The following PECAM1 variants were observed in gnomAD, a reference collection of about 807,000 sequenced individuals.
PECAM1 encodes platelet endothelial cell adhesion molecule.
Under a neutral mutation model 13.8 loss-of-function variants are expected in PECAM1, and 8 were observed. The ratio of observed to expected loss-of-function variants is 0.58; its 90% confidence interval spans 0.34 to 1.05. The LOEUF (loss-of-function observed/expected upper bound fraction) is 1.05. PECAM1 is among the 50% of genes least tolerant of loss of function. PECAM1 has a pLI of 0.03. For synonymous variants in PECAM1, 136 were observed against 52.6 expected, an observed-to-expected ratio of 2.58 and a Z score of -6.86; for missense variants, 304 against 141.2, an observed-to-expected ratio of 2.15 and a Z score of -5.84.
At position 64,349,587 on chromosome 17, in the gene PECAM1, C is replaced by CAAAA. The variant is rs72236584; in HGVS notation, c.2044+789_2044+792dup. ...TGGGTGACAGAGTAAGACTCTGTAT[C>CAAAA]AAAAAAAAAAAAAAAAGAGCCAGGC... On this transcript the variant is annotated intron_variant, in intron 12 of 15. Transcript: ENST00000563924. Among the ~76,000 whole-genome samples the CAAAA allele has an allele frequency of 1.6e-4, 10 of 64,152 alleles. 1 individual carries two copies. Among genetic ancestry groups the CAAAA allele is most frequent in the African/African-American group, 2.4e-4 (5 of 20,654 alleles). 42.1% of individuals were successfully genotyped at this position (64,152 alleles called of 152,430 possible). A position where few individuals can be genotyped will look rare whatever the true frequency, so the allele number is the denominator to read the frequency against.
At chr17:64,335,660 G>C (rs2035257671) in intron 14 of PECAM1, among the ~76,000 whole-genome samples, 1 of 152,102 alleles carries the variant, frequency 6.6e-6, no homozygotes, top group Admixed American at 6.6e-5. Flanking sequence ...TTAACCTCTG[G>C]GCCCGTTTCC....
chr17:64,321,799 ATAAG>A lies in PECAM1; in HGVS notation c.*2013_*2016del. On this transcript the variant is annotated 3_prime_UTR_variant, in exon 16 of 16. Transcript: ENST00000563924. The stretch of plus-strand genomic sequence containing the variant: ...AAAACAAAAAATTCAGTCGTGCTGC[ATAAG>A]TAAGGCACCAGGAGTAGGAATAGGG... The A allele has an allele frequency of 1.5e-6, 2 of 1,335,054 alleles. No individual in the cohort carries two copies. The highest frequency in any genetic ancestry group is 2.0e-6 in the Non-Finnish European group (2 of 1,008,640). 82.7% of individuals were successfully genotyped at this position (1,335,054 alleles called of 1,614,324 possible).
In PECAM1 at chr17:64,363,043, T is replaced by C. The variant is rs2036022102; in HGVS notation, c.1216+106A>G. 4 of 467,998 alleles carry C rather than the reference T, an allele frequency of 8.5e-6. No homozygotes were observed. The Admixed American group carries it at 9.5e-5, about 11-fold the overall frequency. 29.0% of individuals were successfully genotyped at this position (467,998 alleles called of 1,614,324 possible). ...TTCGCACTTCTCTCCCTCTAGTTCT[T>C]ACCCTGCCTGAGTCTGCTCAGACCG... is the stretch of plus-strand genomic sequence containing the variant. On this transcript the variant is annotated intron_variant, in intron 6 of 15. Transcript: ENST00000563924.
At chr17:64,376,491 C>CT (rs140508282) in intron 3 of PECAM1, among the ~76,000 whole-genome samples, 2 of 152,188 alleles carry the variant, frequency 1.3e-5, no homozygotes, top group East Asian at 3.9e-4. Flanking sequence ...TGTTGTTACC[C>CT]TTTATTGAAT....
Position 64,356,343 on chromosome 17 carries a change from T to C in PECAM1, c.1548A>G (p.Gly516=), listed in dbSNP as rs1244709966. The part of the protein sequence containing the change: ...SILSSKVVES[G]EDIVLQCAVN... Reference sequence around the variant, plus strand: ...CAGCACATTGCAGCACAATGTCCTCTCCAGACTCCACCACCTTACTTGACA... The same window carrying C: ...CAGCACATTGCAGCACAATGTCCTCCCCAGACTCCACCACCTTACTTGACA... Residue 516 remains glycine, a synonymous_variant, in exon 8 of 16, where the codon GGA becomes GGG. Transcript: ENST00000563924. 6.3e-6 allele frequency: 3 copies of C among 473,806 alleles called. No individual in the cohort carries two copies. Among genetic ancestry groups the C allele is most frequent in the Non-Finnish European group, 1.2e-5 (3 of 258,558 alleles). 29.4% of individuals were successfully genotyped at this position (473,806 alleles called of 1,614,324 possible). A position where few individuals can be genotyped will look rare whatever the true frequency, so the allele number is the denominator to read the frequency against.
At chr17:64,385,810 C>T (rs1018627077) in intron 2 of PECAM1, among the ~76,000 whole-genome samples, 10 of 152,194 alleles carry the variant, frequency 6.6e-5, no homozygotes, top group African/African-American at 2.4e-4. Context: ...GGTAAGAGAA[C>T]AGCGTGTCCC....
At chr17:64,351,582 G>T (rs1273351683) in intron 11 of PECAM1, among the ~76,000 whole-genome samples, 1 of 152,170 alleles carries the variant, frequency 6.6e-6, no homozygotes, top group African/African-American at 2.4e-5. Flanking sequence ...GGGCATGGTG[G>T]CACATGCCTG....
chr17:64,329,815 A>G, intron 14 of PECAM1, 93 bp from the exon 15 acceptor site: 1 of 722,672 alleles, frequency 1.4e-6, no homozygotes, highest in Non-Finnish European at 2.6e-6. Flanking sequence ...AGGTCGAGAA[A>G]AGAGGGAGGA....
Position 64,386,728 on chromosome 17 carries a change from T to C in PECAM1, c.91+3761A>G, listed in dbSNP as rs943281316. 6.4e-3 allele frequency among the ~76,000 whole-genome samples: 977 copies of C among 152,098 alleles called. 10 individuals carry two copies. Among genetic ancestry groups the C allele is most frequent in the African/African-American group, 0.022 (925 of 41,488 alleles). Reference sequence around the variant, plus strand: ...AGGAGGATGGCTTCAGCCCAGGAGTTTGAGACCAGCCTGGGCAACAAAATG... The same window carrying C: ...AGGAGGATGGCTTCAGCCCAGGAGTCTGAGACCAGCCTGGGCAACAAAATG... On this transcript the variant is annotated intron_variant, in intron 2 of 15. Coordinates refer to ENST00000563924, the MANE Select transcript of PECAM1 (RefSeq NM_000442.5).
At chr17:64,347,287 G>T (rs1212863643) in intron 13 of PECAM1, among the ~76,000 whole-genome samples, 1 of 152,006 alleles carries the variant, frequency 6.6e-6, no homozygotes, top group Non-Finnish European at 1.5e-5. Flanking sequence ...GGAGGCTGAG[G>T]GGGGTGGATC....
intron 2 of PECAM1, among the ~76,000 whole-genome samples, chr17:64,382,329 A>G (rs2036499063): frequency 6.6e-6 from 1 of 152,064 alleles, no homozygotes; most frequent in Non-Finnish European, 1.5e-5. Context: ...GCCAAATCTC[A>G]TCTCTGCTAC....
In PECAM1 at chr17:64,321,405, T is replaced by A. The variant is rs574567744; in HGVS notation, c.*2411A>T. On this transcript the variant is annotated 3_prime_UTR_variant, in exon 16 of 16. Transcript: ENST00000563924. ...CATTAAATCCACTAAGAAAGATCCCTGCGCATGAAGTTTCCTCCTCGGAAA... is the reference window on the plus strand; with the variant it reads ...CATTAAATCCACTAAGAAAGATCCCAGCGCATGAAGTTTCCTCCTCGGAAA... 4 of 984,382 alleles carry A rather than the reference T, an allele frequency of 4.1e-6. No individual in the cohort carries two copies. In the African/African-American group the frequency reaches 7.0e-5, roughly 17 times the overall value. 61.0% of individuals were successfully genotyped at this position (984,382 alleles called of 1,614,324 possible). A position where few individuals can be genotyped will look rare whatever the true frequency, so the allele number is the denominator to read the frequency against.
chr17:64,344,039 C>T (rs1185600719), intron 13 of PECAM1, among the ~76,000 whole-genome samples: 7 of 152,292 alleles, frequency 4.6e-5, no homozygotes, highest in African/African-American at 9.6e-5. Context: ...GCACAAACAA[C>T]GCAGACACTG....
At chr17:64,382,434 G>A (rs1468616469) in intron 2 of PECAM1, among the ~76,000 whole-genome samples, 2 of 152,220 alleles carry the variant, frequency 1.3e-5, no homozygotes, top group Non-Finnish European at 2.9e-5. Flanking sequence ...AAGTATAAAT[G>A]AGAACCTGAG....
At chr17:64,360,015 G>A (rs1446334017) in intron 7 of PECAM1, 125 bp downstream of exon 7, 2 of 472,768 alleles carry the variant, frequency 4.2e-6, no homozygotes, top group East Asian at 3.1e-5. Flanking sequence ...GCCTCCTAAA[G>A]TGCTGGGATT....
At chr17:64,346,510 A>G (rs2035573929) in intron 13 of PECAM1, among the ~76,000 whole-genome samples, 1 of 151,960 alleles carries the variant, frequency 6.6e-6, no homozygotes, top group South Asian at 2.1e-4. Flanking sequence ...TAATTTTTGT[A>G]TTTTTAGTAG....
chr17:64,380,744 C>T (rs1441966515), intron 2 of PECAM1, among the ~76,000 whole-genome samples: 1 of 152,186 alleles, frequency 6.6e-6, no homozygotes, highest in African/African-American at 2.4e-5. Context: ...GGAATGGCAG[C>T]TCACACCTGT....
chr17:64,326,573 A>G (rs2034964855), intron 15 of PECAM1, among the ~76,000 whole-genome samples: 1 of 152,068 alleles, frequency 6.6e-6, no homozygotes, highest in Non-Finnish European at 1.5e-5. Flanking sequence ...TGGGGGAGAC[A>G]TGACTCTGGT....
chr17:64,370,761 G>A (rs2036221517), intron 4 of PECAM1, among the ~76,000 whole-genome samples: 1 of 152,218 alleles, frequency 6.6e-6, no homozygotes, highest in Admixed American at 6.6e-5. Flanking sequence ...GTAGGGATAG[G>A]TCCTAGGCTT....
Sources: gnomAD v4.1 joint callset for allele counts (sites outside exome capture counted in the v4.1 genomes callset) on GRCh38, gnomAD v4.1.1 for gene constraint, MANE v1.5 for transcripts, NCBI Gene and HGNC (gene_info 2026-07-23, HGNC 2026-07-21) for gene names.